The following SCN11A variants were observed in gnomAD, a reference collection of about 807,000 sequenced individuals.
SCN11A encodes the protein sodium channel protein type 11 subunit alpha.
In SCN11A, 122 loss-of-function variants were observed where a neutral mutation model predicts 162.2. The observed-to-expected ratio is 0.75, with a 90% CI of 0.65 to 0.87. The LOEUF (loss-of-function observed/expected upper bound fraction) is 0.87. SCN11A is among the 40% of genes least tolerant of loss of function. The probability of loss-of-function intolerance (pLI) is 0.00; values close to 1 mark genes in which losing one functional copy is unlikely to be tolerated. For synonymous variants in SCN11A, 758 were observed against 751.5 expected (o/e 1.01, Z -0.14); for missense variants, 2,015 against 2,181.6 (o/e 0.92, Z 1.52).
intron 28 of SCN11A, among the ~76,000 whole-genome samples, chr3:38,862,904 A>G (rs1159590216): frequency 6.6e-6 from 1 of 152,084 alleles, no homozygotes; most frequent in Non-Finnish European, 1.5e-5. Flanking sequence ...AAATAAAATA[A>G]ACTGGTCAAA....
chr3:38,851,095 T>C (rs2064772118), intron 28 of SCN11A, among the ~76,000 whole-genome samples: 1 of 152,202 alleles, frequency 6.6e-6, no homozygotes, highest in African/African-American at 2.4e-5. Context: ...GATTTAATAA[T>C]AAAAAGATGA....
At chr3:38,857,321 ACTTCTGGAAATGAAAGAAACAC>A (rs961097682) in intron 28 of SCN11A, among the ~76,000 whole-genome samples, 5 of 152,130 alleles carry the variant, frequency 3.3e-5, no homozygotes, top group African/African-American at 1.2e-4. Context: ...AATACTCACA[ACTTCTGGAAATGAAAGAAACAC>A]CTACGGAAAT....
intron 23 of SCN11A, among the ~76,000 whole-genome samples, chr3:38,879,190 C>T (rs111505905): frequency 9.9e-5 from 15 of 152,180 alleles, no homozygotes; most frequent in African/African-American, 3.1e-4. Flanking sequence ...CTCTCTATGA[C>T]TTACTTTCTT....
chr3:38,851,481 T>C (rs1223196922), intron 28 of SCN11A, among the ~76,000 whole-genome samples: 1 of 152,196 alleles, frequency 6.6e-6, no homozygotes, highest in Non-Finnish European at 1.5e-5. Flanking sequence ...AGGTCCTAAC[T>C]CAAGTTTGCA....
At chr3:39,051,725 G>A (rs1368549328) in intron 1 of SCN11A, among the ~76,000 whole-genome samples, 136 bp downstream of exon 1, 1 of 152,172 alleles carries the variant, frequency 6.6e-6, no homozygotes, top group Non-Finnish European at 1.5e-5. Context: ...GCCTCTCGGG[G>A]AGGGCGCGGA....
chr3:38,897,559 CAA>C (rs759728865), intron 17 of SCN11A, among the ~76,000 whole-genome samples: 1 of 151,664 alleles, frequency 6.6e-6, no homozygotes, highest in African/African-American at 2.4e-5. Context: ...TACTAAAATA[CAA>C]AAAAATTAGC....
intron 1 of SCN11A, among the ~76,000 whole-genome samples, chr3:39,051,452 T>G (rs1239426608): frequency 6.6e-6 from 1 of 152,216 alleles, no homozygotes; most frequent in Non-Finnish European, 1.5e-5. Flanking sequence ...ACAAAGGACA[T>G]GATCTCGTTC....
At chr3:39,008,860 C>A (rs2031048838) in intron 2 of SCN11A, among the ~76,000 whole-genome samples, 1 of 146,858 alleles carries the variant, frequency 6.8e-6, no homozygotes, top group Non-Finnish European at 1.5e-5. Flanking sequence ...CCAGCCTGGG[C>A]AACAGAGCAA....
Position 39,041,039 on chromosome 3 carries a change from G to A in SCN11A, c.-403-8536C>T, listed in dbSNP as rs143956617. On this transcript the variant is annotated intron_variant, in intron 1 of 29. Transcript: ENST00000302328. ...GAAGCTTGCAGTGAGCTGAGATAGC[G>A]CCACTGCACTCCGGCCTGGGCGAAA... 5.1e-4 allele frequency among the ~76,000 whole-genome samples: 78 copies of A among 152,276 alleles called. 1 individual carries two copies. The East Asian group carries it at 0.012, about 24-fold the overall frequency.
rs1182355497 is a variant in SCN11A, at chr3:38,845,961, A to G, written c.*733T>C. 1 of 152,246 alleles carries G rather than the reference A, an allele frequency of 6.6e-6. No homozygotes were observed. The highest frequency in any genetic ancestry group is 2.4e-5 in the African/African-American group (1 of 41,462). The allele number at this position is 152,246 out of a possible 1,614,324, so 9.4% of individuals were successfully genotyped here. On this transcript the variant is annotated 3_prime_UTR_variant, in exon 30 of 30. Transcript: ENST00000302328. Reference sequence around the variant, plus strand: ...GGCAAGTTTTGAATTTTCATTTAGCATGCAAAAGAGCTACATGTGATAAAC... The same window carrying G: ...GGCAAGTTTTGAATTTTCATTTAGCGTGCAAAAGAGCTACATGTGATAAAC...
chr3:38,921,208 C>T lies in SCN11A; in HGVS notation c.760G>A (p.Val254Ile), dbSNP rs574777861. The T allele has an allele frequency of 8.7e-6, 14 of 1,613,932 alleles. No individual in the cohort carries two copies. The Middle Eastern group carries it at 4.9e-4, about 57-fold the overall frequency. ...GALLRSVKKL[V>I]NVIILTFFCL... ...AAGAAGGTGAGGATAATCACGTTGACCAGCTTCTTCACAGAGCGTAGCAAG... is the reference window on the plus strand; with the variant it reads ...AAGAAGGTGAGGATAATCACGTTGATCAGCTTCTTCACAGAGCGTAGCAAG... Residue 254 changes from valine to isoleucine, a missense_variant, in exon 10 of 30, where the codon GTC becomes ATC. By Grantham distance (29) the Val-to-Ile change is conservative. Coordinates refer to ENST00000302328, the MANE Select transcript of SCN11A (RefSeq NM_001349253.2).
At chr3:39,018,732 G>A (rs2031362799) in intron 2 of SCN11A, among the ~76,000 whole-genome samples, 1 of 152,062 alleles carries the variant, frequency 6.6e-6, no homozygotes, top group Non-Finnish European at 1.5e-5. Context: ...GCAGGAGAAC[G>A]GCGTGAACCC....
At chr3:39,031,545 A>AC (rs1020256599) in intron 2 of SCN11A, among the ~76,000 whole-genome samples, 7 of 151,884 alleles carry the variant, frequency 4.6e-5, no homozygotes, top group African/African-American at 1.2e-4. Context: ...AAACAAACAA[A>AC]AAAAAAACAA....
intron 7 of SCN11A, among the ~76,000 whole-genome samples, chr3:38,932,466 G>C (rs1285916127): frequency 2.6e-5 from 4 of 152,220 alleles, no homozygotes; most frequent in Non-Finnish European, 5.9e-5. Context: ...CCCTTTCCTA[G>C]TCAAAGAAAG....
At chr3:38,865,503 T>C (rs2065026471) in intron 27 of SCN11A, among the ~76,000 whole-genome samples, 1 of 151,420 alleles carries the variant, frequency 6.6e-6, no homozygotes, top group South Asian at 2.1e-4. Context: ...ATTATGAGAG[T>C]CCAGAGGAAA....
rs74709746 is a variant in SCN11A, at chr3:38,996,803, G to C, written c.-280+35577C>G. ...TCAAGAAGGAGAGTCAACTGGACAT[G>C]GTGGTGCATGCCTGTAGTCCTGGCT... On this transcript the variant is annotated intron_variant, in intron 2 of 29. Transcript: ENST00000302328. 1.5e-3 allele frequency among the ~76,000 whole-genome samples: 232 copies of C among 152,298 alleles called. 6 individuals carry two copies. The East Asian group carries it at 0.038, about 25-fold the overall frequency.
At chr3:38,899,369 A>T (rs994285069) in intron 17 of SCN11A, among the ~76,000 whole-genome samples, 5 of 152,148 alleles carry the variant, frequency 3.3e-5, no homozygotes, top group Non-Finnish European at 7.4e-5. Context: ...AATGCTTCCA[A>T]ACTGGATAGC....
At chr3:39,039,675 T>C (rs997034274) in intron 1 of SCN11A, among the ~76,000 whole-genome samples, 4 of 152,128 alleles carry the variant, frequency 2.6e-5, no homozygotes, top group African/African-American at 9.7e-5. Flanking sequence ...AGGAAGCCAA[T>C]GTGCCTGGCC....
intron 2 of SCN11A, among the ~76,000 whole-genome samples, chr3:39,020,516 A>C (rs1467682797): frequency 6.6e-6 from 1 of 152,250 alleles, no homozygotes; most frequent in East Asian, 1.9e-4. Context: ...GATAATTCTC[A>C]ATCAGTGAGG....
Sources: gnomAD v4.1 joint callset for allele counts (sites outside exome capture counted in the v4.1 genomes callset) on GRCh38, gnomAD v4.1.1 for gene constraint, MANE v1.5 for transcripts, NCBI Gene and HGNC (gene_info 2026-07-23, HGNC 2026-07-21) for gene names.